The following ATRX variants were observed in gnomAD, a reference collection of about 807,000 sequenced individuals.
ATRX encodes the protein ATRX chromatin remodeler.
In ATRX, 12 loss-of-function variants were observed where a neutral mutation model predicts 172.6. That is an observed-to-expected ratio of 0.07 (90% confidence interval 0.04 to 0.11). The LOEUF (loss-of-function observed/expected upper bound fraction) is 0.11, where lower values mean the gene tolerates loss of function less well. Among genes scored for constraint, ATRX ranks in the 10% least tolerant of loss-of-function variants. The pLI is 1.00. For missense variants in ATRX, 1,368 were observed against 1,767.4 expected (o/e 0.77, Z 4.05); for synonymous variants, 674 against 594.7 (o/e 1.13, Z -1.94).
chrX:77,761,796 T>C (rs1431717347), intron 1 of ATRX, among the ~76,000 whole-genome samples: 3 of 111,294 alleles, frequency 2.7e-5, no homozygotes, highest in Non-Finnish European at 3.8e-5. Flanking sequence ...CTTTAACCAA[T>C]ATCTCCCCAT....
chrX:77,785,862 C>T, intron 1 of ATRX, 120 bp downstream of exon 1: 1 of 922,882 alleles, frequency 1.1e-6, no homozygotes, highest in Admixed American at 5.7e-5. Context: ...GAAAACGATG[C>T]CTCTTTCGGC....
intron 30 of ATRX, among the ~76,000 whole-genome samples, chrX:77,555,652 C>A (rs1214619392): frequency 4.6e-5 from 5 of 109,189 alleles, no homozygotes; most frequent in African/African-American, 1.3e-4. Flanking sequence ...GGCAGTTGAA[C>A]AATGAGAACA....
chrX:77,679,660 T>C (rs1303371942), intron 9 of ATRX, among the ~76,000 whole-genome samples: 1 of 111,831 alleles, frequency 8.9e-6, no homozygotes, highest in African/African-American at 3.2e-5. Context: ...AGTAAAATAC[T>C]TGAAATCAAA....
chrX:77,656,454 A>G, intron 13 of ATRX, 106 bp downstream of exon 13: 1 of 580,993 alleles, frequency 1.7e-6, no homozygotes. Context: ...AAAATATTAT[A>G]TATCACACTA....
chrX:77,772,457 T>A (rs1295113544), intron 1 of ATRX, among the ~76,000 whole-genome samples: 3 of 86,354 alleles, frequency 3.5e-5, no homozygotes, highest in Non-Finnish European at 6.7e-5. Flanking sequence ...CATAGCGAGA[T>A]CCCTTCTCTC....
intron 28 of ATRX, 37 bp downstream of exon 28, chrX:77,574,213 T>C: frequency 1.1e-6 from 1 of 877,715 alleles, no homozygotes; most frequent in Non-Finnish European, 1.7e-6. Flanking sequence ...AAATTAATTA[T>C]TTTAATGTTT....
At chrX:77,743,132 G>A (rs1048652465) in intron 1 of ATRX, among the ~76,000 whole-genome samples, 1 of 111,036 alleles carries the variant, frequency 9.0e-6, no homozygotes, top group African/African-American at 3.3e-5. Context: ...AATTGCCCTG[G>A]AGGCTTAAGT....
intron 1 of ATRX, among the ~76,000 whole-genome samples, chrX:77,736,305 C>T (rs973183732): frequency 5.8e-4 from 65 of 111,824 alleles, no homozygotes; most frequent in African/African-American, 2.1e-3. Flanking sequence ...AAAGTATTTG[C>T]AAACTATCCA....
chrX:77,655,422 T>C lies in ATRX; in HGVS notation c.4214+1138A>G, dbSNP rs2069494524. 2.7e-5 allele frequency among the ~76,000 whole-genome samples: 3 copies of C among 110,282 alleles called. No individual in the cohort carries two copies. In the Admixed American group the frequency reaches 2.9e-4, roughly 11 times the overall value. ...TGAACCATGAAAACATTATGCTAAG[T>C]GAAAAAAAAATCCATTCATAAAAGG... On this transcript the variant is annotated intron_variant, in intron 13 of 34. Transcript: ENST00000373344.
intron 30 of ATRX, among the ~76,000 whole-genome samples, chrX:77,543,447 C>A (rs1025942330): frequency 5.4e-5 from 6 of 112,014 alleles, no homozygotes; most frequent in Non-Finnish European, 7.5e-5. Flanking sequence ...ACTCAGCGAT[C>A]CCATTACTGG....
chrX:77,768,048 T>C (rs1486813390), intron 1 of ATRX, among the ~76,000 whole-genome samples: 1 of 111,862 alleles, frequency 8.9e-6, no homozygotes, highest in Non-Finnish European at 1.9e-5. Context: ...GACCCAGAAC[T>C]AAAAGTTACA....
intron 10 of ATRX, among the ~76,000 whole-genome samples, chrX:77,669,133 A>G (rs2070414099): frequency 9.0e-6 from 1 of 111,613 alleles, no homozygotes; most frequent in Non-Finnish European, 1.9e-5. Flanking sequence ...ATGAGGAAAC[A>G]GGCTTAGATA....
At chrX:77,677,994 G>A (rs2070984935) in intron 9 of ATRX, among the ~76,000 whole-genome samples, 1 of 111,040 alleles carries the variant, frequency 9.0e-6, no homozygotes, top group Non-Finnish European at 1.9e-5. Flanking sequence ...ATCACTTGAG[G>A]TCAGGAGCTC....
At chrX:77,736,000 C>T (rs1291553730) in intron 1 of ATRX, among the ~76,000 whole-genome samples, 1 of 105,247 alleles carries the variant, frequency 9.5e-6, no homozygotes, top group Non-Finnish European at 1.9e-5. Context: ...GCCGAAACTC[C>T]ACCTCAAAAA....
chrX:77,657,783 T>C (rs896205969), intron 12 of ATRX, among the ~76,000 whole-genome samples: 2 of 111,947 alleles, frequency 1.8e-5, no homozygotes, highest in Non-Finnish European at 3.8e-5. Context: ...ACAGGATATA[T>C]GCATGGTCAC....
intron 1 of ATRX, among the ~76,000 whole-genome samples, chrX:77,730,782 C>T (rs1327981497): frequency 4.5e-5 from 5 of 110,957 alleles, no homozygotes; most frequent in Non-Finnish European, 9.4e-5. Flanking sequence ...TTCATTGAAA[C>T]AAATGATACT....
chrX:77,781,555 C>A (rs2076573642), intron 1 of ATRX, among the ~76,000 whole-genome samples: 1 of 109,438 alleles, frequency 9.1e-6, no homozygotes, highest in Non-Finnish European at 1.9e-5. Context: ...TTATCAATAT[C>A]TATTATTGAT....
intron 1 of ATRX, among the ~76,000 whole-genome samples, chrX:77,781,228 G>C (rs1336312926): frequency 9.1e-6 from 1 of 110,415 alleles, no homozygotes; most frequent in Non-Finnish European, 1.9e-5. Context: ...AAATCACGAG[G>C]TCAGGAGATC....
At position 77,663,475 on chromosome X, in the gene ATRX, G is replaced by A. The variant is rs1297187353; in HGVS notation, c.4027C>T (p.His1343Tyr). Residue 1343 changes from histidine (H) to tyrosine (Y), a missense_variant, in exon 12 of 35, where the codon CAC (histidine) becomes TAC (tyrosine). Around this residue, in one of 17 missense-constraint regions of ATRX, gnomAD observed 119 missense variants for 131.3 expected, o/e 0.91. Transcript: ENST00000373344. ...KPRYRHRLLR[H>Y]KLTVSDGESG... is the part of the protein sequence containing the mutation. ...TCTCCGTCACTCACAGTCAATTTGTGCCGCAAAAGCCTATGTCTGTATCTT... is the reference window on the plus strand; with the variant it reads ...TCTCCGTCACTCACAGTCAATTTGTACCGCAAAAGCCTATGTCTGTATCTT... 4.1e-6 allele frequency: 5 copies of A among 1,208,483 alleles called. No individual in the cohort carries two copies. In the African/African-American group the frequency reaches 7.0e-5, roughly 17 times the overall value.
Sources: gnomAD v4.1 joint callset for allele counts (sites outside exome capture counted in the v4.1 genomes callset) on GRCh38, gnomAD v4.1.1 for gene constraint, gnomAD v4.1.1 regional missense constraint, MANE v1.5 for transcripts, NCBI Gene and HGNC (gene_info 2026-07-23, HGNC 2026-07-21) for gene names.